PCBP1: variants seen among roughly 807,000 people sequenced by gnomAD.
The protein encoded by PCBP1 is poly(rC)-binding protein 1.
For synonymous variants in PCBP1, 284 were observed against 195.8 expected, an observed-to-expected ratio of 1.45 and a Z score of -3.76; for missense variants, 244 against 474.4, an observed-to-expected ratio of 0.51 and a Z score of 4.51.
rs1426427284 is a variant in PCBP1 at position 70,087,989 on chromosome 2, T to C, written c.246T>C (p.Asp82=). Residue 82 remains aspartate (D), a synonymous_variant, in exon 1 of 1, where the codon GAT becomes GAC. Transcript: ENST00000303577. The part of the protein sequence containing the change: ...FAMIIDKLEE[D]INSSMTNSTA... ...TGATCATCGACAAGCTGGAGGAAGA[T>C]ATCAACAGCTCCATGACCAACAGTA... The C allele has an allele frequency of 1.9e-6, 3 of 1,613,654 alleles. No homozygotes were observed. Among genetic ancestry groups the C allele is most frequent in the Non-Finnish European group, 2.5e-6 (3 of 1,180,000 alleles).
chr2:70,088,233 C>T lies in PCBP1; in HGVS notation c.490C>T (p.Leu164=), dbSNP rs150014662. ...CACCGAGTGTGTCAAGCAGATTTGC[C>T]TGGTCATGCTGGAGACGCTCTCCCA... is the stretch of plus-strand genomic sequence containing the variant. ...SVTECVKQIC[L]VMLETLSQSP... is the part of the protein sequence containing the mutation. The change falls in exon 1 of 1, where the codon CTG becomes TTG. Residue 164 remains leucine, a synonymous_variant. Transcript: ENST00000303577. This position sits in a 1 kb window ranked among gnomAD's most constrained non-coding sequence, Gnocchi z 4.5. The T allele has an allele frequency of 6.6e-5, 106 of 1,613,890 alleles. No individual in the cohort carries two copies. The East Asian group carries it at 8.9e-4, about 14-fold the overall frequency.
chr2:70,088,340 T>G lies in PCBP1; in HGVS notation c.597T>G (p.Asp199Glu). ...SSPVICAGGQ[D>E]RCSDAAGYPH... ...CAGTCATCTGCGCGGGCGGCCAAGA[T>G]CGGTGCAGCGACGCTGCGGGCTACC... Residue 199 changes from aspartate to glutamate, a missense_variant, in exon 1 of 1, where the codon GAT becomes GAG. Physicochemically the swap from Asp to Glu is conservative, Grantham distance 45 (BLOSUM62 2). Coordinates refer to ENST00000303577, the MANE Select transcript of PCBP1 (RefSeq NM_006196.4). The surrounding 1 kb of genome is among the most constrained non-coding windows in gnomAD (Gnocchi z 4.5). The G allele has an allele frequency of 6.2e-7, 1 of 1,613,784 alleles. No individual in the cohort carries two copies. The highest frequency in any genetic ancestry group is 8.5e-7 in the Non-Finnish European group (1 of 1,180,014).
rs1389018484 is a variant in PCBP1 at position 70,088,843 on chromosome 2, T to C, written c.*29T>C. 2 of 1,477,164 alleles carry C rather than the reference T, an allele frequency of 1.4e-6. No individual in the cohort carries two copies. The highest frequency in any genetic ancestry group is 3.8e-5 in the Admixed American group (2 of 52,490). The allele number at this position is 1,477,164 out of a possible 1,614,324, so 91.5% of individuals were successfully genotyped here. A position where few individuals can be genotyped will look rare whatever the true frequency, so the allele number is the denominator to read the frequency against. ...AGTGTAGGTTCCCTCAATAACCCCT[T>C]TCTGCTGTTCTCCCATGATCCAACT... On this transcript the variant is annotated 3_prime_UTR_variant, in exon 1 of 1. Coordinates refer to ENST00000303577, the MANE Select transcript of PCBP1 (RefSeq NM_006196.4). The surrounding 1 kb of genome is among the most constrained non-coding windows in gnomAD (Gnocchi z 4.5).
In PCBP1 at chr2:70,088,354, C is replaced by T. The variant is rs2104760428; in HGVS notation, c.611C>T (p.Ala204Val). ...CAGGQDRCSD[A>V]AGYPHATHDL... ...GGCGGCCAAGATCGGTGCAGCGACGCTGCGGGCTACCCCCATGCCACCCAT... is the reference window on the plus strand; with the variant it reads ...GGCGGCCAAGATCGGTGCAGCGACGTTGCGGGCTACCCCCATGCCACCCAT... Residue 204 changes from alanine (A) to valine (V), a missense_variant, in exon 1 of 1, where the codon GCT becomes GTT. Transcript: ENST00000303577. The surrounding 1 kb of genome is among the most constrained non-coding windows in gnomAD (Gnocchi z 4.5). 1 of 1,613,980 alleles carries T rather than the reference C, an allele frequency of 6.2e-7. No individual in the cohort carries two copies. Among genetic ancestry groups the T allele is most frequent in the South Asian group, 1.1e-5 (1 of 91,092 alleles).
rs760187150 is a variant in PCBP1 at position 70,088,139 on chromosome 2, G to A, written c.396G>A (p.Gln132=). Residue 132 remains glutamine (Q), a synonymous_variant, in exon 1 of 1, where the codon CAG becomes CAA. Transcript: ENST00000303577. The surrounding 1 kb of genome is among the most constrained non-coding windows in gnomAD (Gnocchi z 4.5). ...EIRESTGAQV[Q]VAGDMLPNST... ...GCGAGAGTACGGGGGCGCAGGTCCA[G>A]GTGGCGGGGGATATGCTGCCCAACT... The A allele has an allele frequency of 1.7e-5, 27 of 1,614,036 alleles. No homozygotes were observed. In the South Asian group the frequency reaches 2.9e-4, roughly 17 times the overall value.
chr2:70,087,699 C>T lies in PCBP1; in HGVS notation c.-45C>T, dbSNP rs188731876. The T allele has an allele frequency of 5.3e-6, 7 of 1,324,952 alleles. No individual in the cohort carries two copies. Among genetic ancestry groups the T allele is most frequent in the South Asian group, 1.4e-5 (1 of 71,752 alleles). 82.1% of individuals were successfully genotyped at this position (1,324,952 alleles called of 1,614,324 possible). A position where few individuals can be genotyped will look rare whatever the true frequency, so the allele number is the denominator to read the frequency against. On this transcript the variant is annotated 5_prime_UTR_variant, in exon 1 of 1. Transcript: ENST00000303577. Reference sequence around the variant, plus strand: ...CCCCCGCCAGCCGCCAAAGACTTGACCACGTAACGAGCCCAACTCCCCCGA... The same window carrying T: ...CCCCCGCCAGCCGCCAAAGACTTGATCACGTAACGAGCCCAACTCCCCCGA...
In PCBP1 at chr2:70,088,064, C is replaced by T. The variant is rs372003311; in HGVS notation, c.321C>T (p.Thr107=). Residue 107 remains threonine, a synonymous_variant, in exon 1 of 1, where the codon ACC becomes ACT. Coordinates refer to ENST00000303577, the MANE Select transcript of PCBP1 (RefSeq NM_006196.4). This position sits in a 1 kb window ranked among gnomAD's most constrained non-coding sequence, Gnocchi z 4.5. The part of the protein sequence containing the change: ...PVTLRLVVPA[T]QCGSLIGKGG... ...CCCTGAGGCTGGTGGTGCCGGCCAC[C>T]CAGTGCGGCTCCCTGATTGGGAAAG... 4 of 1,613,548 alleles carry T rather than the reference C, an allele frequency of 2.5e-6. No individual in the cohort carries two copies. Among genetic ancestry groups the T allele is most frequent in the Non-Finnish European group, 1.7e-6 (2 of 1,180,012 alleles).
rs745354966 is a variant in PCBP1, at chr2:70,088,640, C to T, written c.897C>T (p.Gly299=). 6.2e-7 allele frequency: 1 copy of T among 1,614,238 alleles called. No homozygotes were observed. Among genetic ancestry groups the T allele is most frequent in the South Asian group, 1.1e-5 (1 of 91,090 alleles). ...NLIGCIIGRQ[G]ANINEIRQMS... ...TTGGCTGCATAATCGGGCGCCAAGG[C>T]GCCAACATTAATGAGATCCGCCAGA... Residue 299 remains glycine (G), a synonymous_variant, in exon 1 of 1, where the codon GGC becomes GGT. Transcript: ENST00000303577. This position sits in a 1 kb window ranked among gnomAD's most constrained non-coding sequence, Gnocchi z 4.5.
At position 70,087,665 on chromosome 2, in the gene PCBP1, C is replaced by T. The variant is rs1474315677; in HGVS notation, c.-79C>T. The T allele has an allele frequency of 7.0e-6, 7 of 1,005,810 alleles. No individual in the cohort carries two copies. In the Admixed American group the frequency reaches 7.3e-5, roughly 10 times the overall value. 62.3% of individuals were successfully genotyped at this position (1,005,810 alleles called of 1,614,324 possible). ...TCGCGCCGGCAGTTTTGGGCCTACA[C>T]CTCCCCTCCCCCCGCCAGCCGCCAA... On this transcript the variant is annotated 5_prime_UTR_variant, in exon 1 of 1. Transcript: ENST00000303577.
Position 70,088,283 on chromosome 2 carries a change from C to T in PCBP1, c.540C>T (p.Thr180=), listed in dbSNP as rs371802125. 29 of 1,613,720 alleles carry T rather than the reference C, an allele frequency of 1.8e-5. No homozygotes were observed. The highest frequency in any genetic ancestry group is 2.3e-5 in the Non-Finnish European group (27 of 1,180,042). ...AGTCTCCGCAAGGGAGAGTCATGAC[C>T]ATTCCGTACCAGCCCATGCCGGCCA... The part of the protein sequence containing the change: ...LSQSPQGRVM[T]IPYQPMPASS... Residue 180 remains threonine, a synonymous_variant, in exon 1 of 1, where the codon ACC becomes ACT. Coordinates refer to ENST00000303577, the MANE Select transcript of PCBP1 (RefSeq NM_006196.4). The surrounding 1 kb of genome is among the most constrained non-coding windows in gnomAD (Gnocchi z 4.5).
In PCBP1 at chr2:70,088,308, A is replaced by G. The variant is rs996074850; in HGVS notation, c.565A>G (p.Ser189Gly). The change falls in exon 1 of 1, where the codon AGC (serine) becomes GGC (glycine). Residue 189 changes from serine to glycine, a missense_variant. Ser to Gly is a moderately conservative substitution (Grantham distance 56). Coordinates refer to ENST00000303577, the MANE Select transcript of PCBP1 (RefSeq NM_006196.4). The surrounding 1 kb of genome is among the most constrained non-coding windows in gnomAD (Gnocchi z 4.5). ...CATTCCGTACCAGCCCATGCCGGCC[A>G]GCTCCCCAGTCATCTGCGCGGGCGG... ...MTIPYQPMPA[S>G]SPVICAGGQD... The G allele has an allele frequency of 6.2e-7, 1 of 1,613,650 alleles. No individual in the cohort carries two copies. Among genetic ancestry groups the G allele is most frequent in the African/African-American group, 1.3e-5 (1 of 74,930 alleles).
Position 70,088,935 on chromosome 2 carries a change from TATC to T in PCBP1, c.*125_*127del, listed in dbSNP as rs1671384648. 3 of 667,190 alleles carry T rather than the reference TATC, an allele frequency of 4.5e-6. No individual in the cohort carries two copies. Among genetic ancestry groups the T allele is most frequent in the African/African-American group, 1.8e-5 (1 of 55,214 alleles). 41.3% of individuals were successfully genotyped at this position (667,190 alleles called of 1,614,324 possible). A position where few individuals can be genotyped will look rare whatever the true frequency, so the allele number is the denominator to read the frequency against. On this transcript the variant is annotated 3_prime_UTR_variant, in exon 1 of 1. Coordinates refer to ENST00000303577, the MANE Select transcript of PCBP1 (RefSeq NM_006196.4). The surrounding 1 kb of genome is among the most constrained non-coding windows in gnomAD (Gnocchi z 4.5). ...TAAGTGTTCAGTTTCTACACAACTT[TATC>T]ATCCGCTAAGAATTTAAAAATCACA...
At position 70,089,049 on chromosome 2, in the gene PCBP1, TC is replaced by T; in HGVS notation, c.*236del. ...TTAGTTTTGTTTTGGGTTTTTTGGCTCATGAATTTTATTTCTGTTTGTCGAT... is the reference window on the plus strand; with the variant it reads ...TTAGTTTTGTTTTGGGTTTTTTGGCTATGAATTTTATTTCTGTTTGTCGAT... On this transcript the variant is annotated 3_prime_UTR_variant, in exon 1 of 1. Transcript: ENST00000303577. The T allele has an allele frequency of 2.3e-6, 1 of 436,234 alleles. No homozygotes were observed. Among genetic ancestry groups the T allele is most frequent in the Non-Finnish European group, 4.2e-6 (1 of 237,696 alleles). 27.0% of individuals were successfully genotyped at this position (436,234 alleles called of 1,614,324 possible).
In PCBP1 at chr2:70,088,664, G is replaced by C; in HGVS notation, c.921G>C (p.Gln307His). 1 of 1,614,260 alleles carries C rather than the reference G, an allele frequency of 6.2e-7. No individual in the cohort carries two copies. Among genetic ancestry groups the C allele is most frequent in the South Asian group, 1.1e-5 (1 of 91,090 alleles). ...RQGANINEIR[Q>H]MSGAQIKIAN... Reference sequence around the variant, plus strand: ...GCGCCAACATTAATGAGATCCGCCAGATGTCCGGGGCCCAGATCAAAATTG... The same window carrying C: ...GCGCCAACATTAATGAGATCCGCCACATGTCCGGGGCCCAGATCAAAATTG... Residue 307 changes from glutamine to histidine, a missense_variant, in exon 1 of 1, where the codon CAG (glutamine) becomes CAC (histidine). Coordinates refer to ENST00000303577, the MANE Select transcript of PCBP1 (RefSeq NM_006196.4). This position sits in a 1 kb window ranked among gnomAD's most constrained non-coding sequence, Gnocchi z 4.5.
rs757954447 is a variant in PCBP1 at position 70,087,875 on chromosome 2, C to G, written c.132C>G (p.Gly44=). 15 of 1,611,834 alleles carry G rather than the reference C, an allele frequency of 9.3e-6. No homozygotes were observed. The highest frequency in any genetic ancestry group is 1.3e-5 in the African/African-American group (1 of 74,804). ...ESVKRIREES[G]ARINISEGNC... ...TTAAGAGGATCCGCGAGGAGAGTGG[C>G]GCGCGGATCAACATCTCGGAGGGGA... Residue 44 remains glycine (G), a synonymous_variant, in exon 1 of 1, where the codon GGC becomes GGG. Coordinates refer to ENST00000303577, the MANE Select transcript of PCBP1 (RefSeq NM_006196.4).
chr2:70,088,670 C>T lies in PCBP1; in HGVS notation c.927C>T (p.Ser309=). Residue 309 remains serine, a synonymous_variant, in exon 1 of 1, where the codon TCC becomes TCT. Coordinates refer to ENST00000303577, the MANE Select transcript of PCBP1 (RefSeq NM_006196.4). This position sits in a 1 kb window ranked among gnomAD's most constrained non-coding sequence, Gnocchi z 4.5. ...GANINEIRQM[S]GAQIKIANPV... is the part of the protein sequence containing the mutation. The stretch of plus-strand genomic sequence containing the variant: ...ACATTAATGAGATCCGCCAGATGTC[C>T]GGGGCCCAGATCAAAATTGCCAACC... 6.2e-7 allele frequency: 1 copy of T among 1,614,256 alleles called. No individual in the cohort carries two copies. The highest frequency in any genetic ancestry group is 8.5e-7 in the Non-Finnish European group (1 of 1,180,052).
In PCBP1 at chr2:70,088,172, G is replaced by A; in HGVS notation, c.429G>A (p.Glu143=). ...VAGDMLPNST[E]RAITIAGVPQ... ...GGGATATGCTGCCCAACTCCACCGAGCGGGCCATCACCATCGCTGGCGTGC... is the reference window on the plus strand; with the variant it reads ...GGGATATGCTGCCCAACTCCACCGAACGGGCCATCACCATCGCTGGCGTGC... The change falls in exon 1 of 1, where the codon GAG becomes GAA. Residue 143 remains glutamate (E), a synonymous_variant. Transcript: ENST00000303577. The surrounding 1 kb of genome is among the most constrained non-coding windows in gnomAD (Gnocchi z 4.5). The A allele has an allele frequency of 6.2e-7, 1 of 1,614,030 alleles. No individual in the cohort carries two copies.
At position 70,088,451 on chromosome 2, in the gene PCBP1, C is replaced by T; in HGVS notation, c.708C>T (p.Ala236=). 6.2e-7 allele frequency: 1 copy of T among 1,614,220 alleles called. No individual in the cohort carries two copies. Among genetic ancestry groups the T allele is most frequent in the Non-Finnish European group, 8.5e-7 (1 of 1,180,038 alleles). ...GQHTISPLDL[A]KLNQVARQQS... ...ACACCATTTCTCCGCTCGATCTGGC[C>T]AAGCTGAACCAGGTGGCAAGACAAC... Residue 236 remains alanine, a synonymous_variant, in exon 1 of 1, where the codon GCC becomes GCT. Coordinates refer to ENST00000303577, the MANE Select transcript of PCBP1 (RefSeq NM_006196.4). The surrounding 1 kb of genome is among the most constrained non-coding windows in gnomAD (Gnocchi z 4.5).
At position 70,088,857 on chromosome 2, in the gene PCBP1, C is replaced by A; in HGVS notation, c.*43C>A. ...CAATAACCCCTTTCTGCTGTTCTCCCATGATCCAACTGTGTAATTTCTGGT... is the reference window on the plus strand; with the variant it reads ...CAATAACCCCTTTCTGCTGTTCTCCAATGATCCAACTGTGTAATTTCTGGT... On this transcript the variant is annotated 3_prime_UTR_variant, in exon 1 of 1. Coordinates refer to ENST00000303577, the MANE Select transcript of PCBP1 (RefSeq NM_006196.4). The surrounding 1 kb of genome is among the most constrained non-coding windows in gnomAD (Gnocchi z 4.5). 7.3e-7 allele frequency: 1 copy of A among 1,378,800 alleles called. No homozygotes were observed. The allele number at this position is 1,378,800 out of a possible 1,614,324, so 85.4% of individuals were successfully genotyped here. A position where few individuals can be genotyped will look rare whatever the true frequency, so the allele number is the denominator to read the frequency against.
Sources: allele counts gnomAD v4.1 joint callset, GRCh38; gene constraint gnomAD v4.1.1; non-coding constraint Gnocchi (gnomAD v3.1); transcripts MANE v1.5; gene names NCBI Gene and HGNC (gene_info 2026-07-23, HGNC 2026-07-21).